ASCC3: variants seen among roughly 807,000 people sequenced by gnomAD.
ASCC3 encodes the protein ASC-1 complex subunit P200.
Under a neutral mutation model 256.3 loss-of-function variants are expected in ASCC3, and 158 were observed. The observed-to-expected ratio is 0.62, with a 90% CI of 0.54 to 0.70. The LOEUF is 0.70. Ranked by LOEUF, ASCC3 falls within the 30% of genes least tolerant of loss-of-function variation. ASCC3 has a pLI of 0.00. For missense variants in ASCC3, 2,259 were observed against 2,626.0 expected, an observed-to-expected ratio of 0.86 and a Z score of 3.05; for synonymous variants, 948 against 883.4, an observed-to-expected ratio of 1.07 and a Z score of -1.30.
chr6:100,849,536 G>C (rs972493833), intron 3 of ASCC3, among the ~76,000 whole-genome samples: 1 of 152,006 alleles, frequency 6.6e-6, no homozygotes, highest in Non-Finnish European at 1.5e-5. Flanking sequence ...TTAAGCTGAA[G>C]ATAAAGTTAG....
chr6:100,556,351 G>A (rs936455128), intron 36 of ASCC3, among the ~76,000 whole-genome samples: 1 of 152,036 alleles, frequency 6.6e-6, no homozygotes, highest in African/African-American at 2.4e-5. Flanking sequence ...TGAAATGAAC[G>A]CTGGTGCTAC....
chr6:100,540,931 T>A (rs933667494), intron 36 of ASCC3, among the ~76,000 whole-genome samples: 4 of 152,162 alleles, frequency 2.6e-5, no homozygotes, highest in Admixed American at 6.5e-5. Flanking sequence ...GAATTATTAC[T>A]TACTATTTAT....
At chr6:100,850,098 C>CAGAAA (rs751234279) in intron 3 of ASCC3, among the ~76,000 whole-genome samples, 3 of 80,612 alleles carry the variant, frequency 3.7e-5, no homozygotes, top group Admixed American at 1.7e-4. Flanking sequence ...GAGACTCTAT[C>CAGAAA]AAAAAAAAAA....
chr6:100,675,700 T>TATTACGTG (rs1454186668), intron 14 of ASCC3, among the ~76,000 whole-genome samples: 3 of 152,206 alleles, frequency 2.0e-5, no homozygotes, highest in Non-Finnish European at 4.4e-5. Context: ...ACACAAGGCT[T>TATTACGTG]ATTACGTGGT....
chr6:100,838,300 T>C (rs907669546), intron 4 of ASCC3, among the ~76,000 whole-genome samples: 3 of 152,012 alleles, frequency 2.0e-5, no homozygotes, highest in African/African-American at 7.2e-5. Flanking sequence ...AAAACAGTTT[T>C]GAATTGACAG....
At chr6:100,850,663 A>G (rs1233086079) in intron 3 of ASCC3, among the ~76,000 whole-genome samples, 1 of 152,210 alleles carries the variant, frequency 6.6e-6, no homozygotes, top group Non-Finnish European at 1.5e-5. Flanking sequence ...TTTACAATGT[A>G]TATTTCCAAT....
chr6:100,511,350 G>A (rs374136283), intron 40 of ASCC3, among the ~76,000 whole-genome samples: 5 of 152,258 alleles, frequency 3.3e-5, no homozygotes, highest in East Asian at 1.9e-4. Context: ...CCCGGGAGGC[G>A]GAGGTTGCAG....
chr6:100,867,018 CCT>C (rs1287283658), intron 2 of ASCC3, among the ~76,000 whole-genome samples: 2 of 152,060 alleles, frequency 1.3e-5, no homozygotes, highest in Admixed American at 1.3e-4. Context: ...TTATTTTATA[CCT>C]TTTTAAGACT....
At chr6:100,753,305 C>CAAAAAAAA (rs66659985) in intron 10 of ASCC3, among the ~76,000 whole-genome samples, 1 of 147,084 alleles carries the variant, frequency 6.8e-6, no homozygotes, top group Non-Finnish European at 1.5e-5. Context: ...TATTCAATAG[C>CAAAAAAAA]AAAACAAAAC....
At chr6:100,726,226 C>A (rs201368613) in intron 10 of ASCC3, among the ~76,000 whole-genome samples, 5 of 151,746 alleles carry the variant, frequency 3.3e-5, no homozygotes, top group African/African-American at 9.7e-5. Flanking sequence ...GAAAAACATG[C>A]CCATATGTTG....
intron 11 of ASCC3, among the ~76,000 whole-genome samples, chr6:100,723,000 T>C (rs1374769431): frequency 6.6e-6 from 1 of 151,858 alleles, no homozygotes; most frequent in Non-Finnish European, 1.5e-5. Context: ...TAGATCTTTA[T>C]AAATTTGTGC....
At chr6:100,852,068 T>C (rs559086877) in intron 3 of ASCC3, among the ~76,000 whole-genome samples, 2 of 152,280 alleles carry the variant, frequency 1.3e-5, no homozygotes, top group African/African-American at 4.8e-5. Flanking sequence ...CCTGATCAGA[T>C]TGGAGCAGAC....
chr6:100,824,998 C>T (rs1290175702), intron 4 of ASCC3, among the ~76,000 whole-genome samples: 1 of 152,030 alleles, frequency 6.6e-6, no homozygotes, highest in Non-Finnish European at 1.5e-5. Context: ...ATGTTAAACA[C>T]CCCATGTACC....
rs779045398 is a variant in ASCC3 at position 100,767,321 on chromosome 6, T to C, written c.1420A>G (p.Met474Val). Reference protein sequence around the residue: ...DEIGQLAFKGMKRLNRIQSIV... With the variant: ...DEIGQLAFKGVKRLNRIQSIV... ...GACTGGATTCTATTGAGTCTCTTCA[T>C]TCCTTTAAAAGCCAGCTGTCCGATC... The change falls in exon 9 of 42, where the codon ATG becomes GTG. Residue 474 changes from methionine (M) to valine (V), a missense_variant. Physicochemically the swap from Met to Val is conservative, Grantham distance 21. Transcript: ENST00000369162. 2.5e-6 allele frequency: 4 copies of C among 1,597,730 alleles called. No individual in the cohort carries two copies. Among genetic ancestry groups the C allele is most frequent in the East Asian group, 2.3e-5 (1 of 44,122 alleles).
intron 11 of ASCC3, among the ~76,000 whole-genome samples, chr6:100,723,897 T>TGACACA (rs1779485302): frequency 8.3e-6 from 1 of 121,072 alleles, no homozygotes; most frequent in Admixed American, 8.5e-5. Flanking sequence ...TATATATATA[T>TGACACA]TTATAATTAT....
At chr6:100,674,447 C>A (rs756768700) in intron 14 of ASCC3, among the ~76,000 whole-genome samples, 1 of 151,938 alleles carries the variant, frequency 6.6e-6, no homozygotes, top group Non-Finnish European at 1.5e-5. Context: ...CTTCCACCAA[C>A]CTGCTTACTG....
rs72941233 is a variant in ASCC3, at chr6:100,660,679, C to T, written c.2703+1127G>A. Reference sequence around the variant, plus strand: ...AATACTCTCCAACACAGATCTTCTGCACTAGACAAGCTGTTACTCTAACTC... The same window carrying T: ...AATACTCTCCAACACAGATCTTCTGTACTAGACAAGCTGTTACTCTAACTC... On this transcript the variant is annotated intron_variant, in intron 16 of 41. Coordinates refer to ENST00000369162, the MANE Select transcript of ASCC3 (RefSeq NM_006828.4). Among the ~76,000 whole-genome samples, 1,293 of 151,742 alleles carry T rather than the reference C, an allele frequency of 8.5e-3. 21 individuals are homozygous for T. Among genetic ancestry groups the T allele is most frequent in the South Asian group, 0.043 (205 of 4,812 alleles).
intron 22 of ASCC3, among the ~76,000 whole-genome samples, chr6:100,644,379 C>G (rs577827094): frequency 5.9e-5 from 9 of 152,222 alleles, no homozygotes; most frequent in Non-Finnish European, 1.2e-4. Context: ...TAGTCACTAC[C>G]TTTTCCTTAC....
At chr6:100,853,697 G>A (rs1458337416) in intron 3 of ASCC3, among the ~76,000 whole-genome samples, 1 of 151,982 alleles carries the variant, frequency 6.6e-6, no homozygotes, top group Non-Finnish European at 1.5e-5. Context: ...TCCTGAGTTC[G>A]GGTGATCCAC....
Sources: gnomAD v4.1 joint callset for allele counts (sites outside exome capture counted in the v4.1 genomes callset) on GRCh38, gnomAD v4.1.1 for gene constraint, MANE v1.5 for transcripts, NCBI Gene and HGNC (gene_info 2026-07-23, HGNC 2026-07-21) for gene names.